Variants in GRM5 observed in about 807,000 individuals in gnomAD.
GRM5 encodes metabotropic glutamate receptor 5.
A neutral mutation model predicts 83.1 loss-of-function variants in GRM5; 19 were observed. The observed-to-expected ratio is 0.23, with a 90% CI of 0.16 to 0.34. The LOEUF is 0.34. Among genes scored for constraint, GRM5 ranks in the 10% least tolerant of loss-of-function variants. GRM5 has a pLI of 1.00. For synonymous variants in GRM5, 675 were observed against 633.6 expected (o/e 1.07, Z -0.98); for missense variants, 1,160 against 1,588.3 (o/e 0.73, Z 4.58).
chr11:88,909,028 T>C (rs1158150725), intron 2 of GRM5, among the ~76,000 whole-genome samples: 1 of 152,132 alleles, frequency 6.6e-6, no homozygotes, highest in African/African-American at 2.4e-5. Context: ...GCCGAAGTCC[T>C]TTCTTGGAGA....
intron 8 of GRM5, among the ~76,000 whole-genome samples, chr11:88,561,083 C>T (rs555861493): frequency 6.6e-6 from 1 of 152,082 alleles, no homozygotes; most frequent in Non-Finnish European, 1.5e-5. Context: ...ATAGCATGAA[C>T]ATCACTTCAT....
At chr11:88,938,906 T>C (rs1363585586) in intron 2 of GRM5, among the ~76,000 whole-genome samples, 1 of 151,794 alleles carries the variant, frequency 6.6e-6, no homozygotes, top group Non-Finnish European at 1.5e-5. Context: ...TCCATTAACA[T>C]GTTCCAGGAT....
At chr11:88,661,658 G>A (rs926754844) in intron 3 of GRM5, among the ~76,000 whole-genome samples, 1 of 152,086 alleles carries the variant, frequency 6.6e-6, no homozygotes, top group African/African-American at 2.4e-5. Context: ...ACCCCAGGAG[G>A]AGTAGGAAGT....
intron 2 of GRM5, among the ~76,000 whole-genome samples, chr11:88,887,081 A>C (rs61085374): frequency 0.012 from 1,845 of 152,144 alleles, 44 homozygotes; most frequent in African/African-American, 0.043. Flanking sequence ...CCCTTTTTGC[A>C]TCCCTCTACT....
chr11:88,860,332 C>A (rs1216722623), intron 2 of GRM5, among the ~76,000 whole-genome samples: 1 of 152,092 alleles, frequency 6.6e-6, no homozygotes, highest in Non-Finnish European at 1.5e-5. Context: ...TGTAAGCTGT[C>A]AAATTCACAG....
At chr11:88,730,356 T>C (rs1376984391) in intron 3 of GRM5, among the ~76,000 whole-genome samples, 1 of 152,114 alleles carries the variant, frequency 6.6e-6, no homozygotes, top group Non-Finnish European at 1.5e-5. Flanking sequence ...TGGCGATTAT[T>C]AAAAAGTCAG....
rs1157102088 is a variant in GRM5, at chr11:88,993,879, A to G, written c.661+53333T>C. ...TGGAATGACAGGCTTGAGCCACCAT[A>G]CCCAACTAGTTGTTTTGACTTTTTG... is the stretch of plus-strand genomic sequence containing the variant. On this transcript the variant is annotated intron_variant, in intron 2 of 9. Coordinates refer to ENST00000305447, the MANE Select transcript of GRM5 (RefSeq NM_001143831.3). Among the ~76,000 whole-genome samples, 124 of 151,994 alleles carry G rather than the reference A, an allele frequency of 8.2e-4. 2 individuals carry two copies. Among genetic ancestry groups the G allele is most frequent in the Admixed American group, 7.9e-3 (121 of 15,270 alleles).
At chr11:88,710,391 G>A (rs1941256857) in intron 3 of GRM5, among the ~76,000 whole-genome samples, 1 of 152,098 alleles carries the variant, frequency 6.6e-6, no homozygotes, top group Non-Finnish European at 1.5e-5. Flanking sequence ...GAACAGTGTT[G>A]CCTGGGCCTG....
In GRM5 at chr11:88,882,048, C is replaced by G. The variant is rs555997656; in HGVS notation, c.662-31893G>C. Among the ~76,000 whole-genome samples, 147 of 151,526 alleles carry G rather than the reference C, an allele frequency of 9.7e-4. 1 individual carries two copies. Among genetic ancestry groups the G allele is most frequent in the African/African-American group, 3.3e-3 (135 of 41,006 alleles). ...CTTGAGCTCAGGACTTTGAGACCAG[C>G]CTGGTCAACACAGGGAAACCCCATC... On this transcript the variant is annotated intron_variant, in intron 2 of 9. Coordinates refer to ENST00000305447, the MANE Select transcript of GRM5 (RefSeq NM_001143831.3).
At chr11:88,826,585 C>T (rs1943898060) in intron 3 of GRM5, among the ~76,000 whole-genome samples, 1 of 152,022 alleles carries the variant, frequency 6.6e-6, no homozygotes, top group Admixed American at 6.6e-5. Context: ...GTCCGTTTTC[C>T]ACCATCTGGA....
At chr11:88,581,040 G>A (rs1489678696) in intron 7 of GRM5, among the ~76,000 whole-genome samples, 4 of 152,082 alleles carry the variant, frequency 2.6e-5, no homozygotes, top group Admixed American at 1.3e-4. Context: ...CCCGGGAGGC[G>A]GAGGTTGCAG....
chr11:88,541,904 C>T (rs1018675084), intron 8 of GRM5, among the ~76,000 whole-genome samples: 9 of 152,060 alleles, frequency 5.9e-5, no homozygotes, highest in Non-Finnish European at 8.8e-5. Context: ...GGGGAGTTTC[C>T]CCCATGCTCT....
At chr11:88,831,451 C>A (rs747337381) in intron 3 of GRM5, among the ~76,000 whole-genome samples, 2 of 152,222 alleles carry the variant, frequency 1.3e-5, no homozygotes, top group Admixed American at 6.5e-5. Context: ...GCAGCCGCTG[C>A]CTCCCTAACC....
chr11:88,996,249 A>G (rs1423567348), intron 2 of GRM5, among the ~76,000 whole-genome samples: 1 of 152,226 alleles, frequency 6.6e-6, no homozygotes, highest in African/African-American at 2.4e-5. Context: ...TCCATGAGAA[A>G]TATGTTCTTC....
intron 2 of GRM5, among the ~76,000 whole-genome samples, chr11:89,012,979 T>G (rs1269458628): frequency 1.3e-5 from 2 of 152,244 alleles, no homozygotes; most frequent in African/African-American, 4.8e-5. Context: ...AACATATGTT[T>G]GCAGACGCTT....
intron 3 of GRM5, among the ~76,000 whole-genome samples, chr11:88,843,430 G>A (rs1374010410): frequency 2.0e-5 from 3 of 152,096 alleles, no homozygotes; most frequent in Admixed American, 1.3e-4. Flanking sequence ...ACATGCTACT[G>A]TTGTAATTGG....
chr11:88,941,546 AGAG>A (rs1174373859), intron 2 of GRM5, among the ~76,000 whole-genome samples: 6 of 61,210 alleles, frequency 9.8e-5, no homozygotes, highest in African/African-American at 2.2e-4. Flanking sequence ...GGAGGAGGAG[AGAG>A]GAGGAGGAGG....
chr11:88,858,118 T>A (rs1029338388), intron 2 of GRM5, among the ~76,000 whole-genome samples: 1 of 152,048 alleles, frequency 6.6e-6, no homozygotes, highest in African/African-American at 2.4e-5. Flanking sequence ...GCATTAAGCA[T>A]AAGGCATGGC....
chr11:88,807,485 T>G (rs1297078969), intron 3 of GRM5, among the ~76,000 whole-genome samples: 1 of 152,124 alleles, frequency 6.6e-6, no homozygotes. Context: ...GTTAGGAGAC[T>G]TTTGCTCAAA....
Sources: gnomAD v4.1 joint callset for allele counts (sites outside exome capture counted in the v4.1 genomes callset) on GRCh38, gnomAD v4.1.1 for gene constraint, MANE v1.5 for transcripts, NCBI Gene and HGNC (gene_info 2026-07-23, HGNC 2026-07-21) for gene names.